BTBD2: variants seen among roughly 807,000 people sequenced by gnomAD.
The protein encoded by BTBD2 is BTB/POZ domain-containing protein 2.
BTBD2 carries 15 observed loss-of-function variants against 44.0 expected under a neutral mutation model. The ratio of observed to expected loss-of-function variants is 0.34; its 90% CI spans 0.23 to 0.53. The LOEUF (loss-of-function observed/expected upper bound fraction) is 0.53, where lower values mean the gene tolerates loss of function less well. BTBD2 is among the 20% of genes least tolerant of loss of function. The pLI is 0.95. For synonymous variants in BTBD2, 443 were observed against 335.9 expected (o/e 1.32, Z -3.49); for missense variants, 657 against 746.4 (o/e 0.88, Z 1.39).
In BTBD2 at chr19:1,993,042, T is replaced by C. The variant is rs2016202533; in HGVS notation, c.662A>G (p.Asn221Ser). 6.8e-7 allele frequency: 1 copy of C among 1,473,642 alleles called. No individual in the cohort carries two copies. Among genetic ancestry groups the C allele is most frequent in the African/African-American group, 1.4e-5 (1 of 70,006 alleles). 91.3% of individuals were successfully genotyped at this position (1,473,642 alleles called of 1,614,324 possible). A position where few individuals can be genotyped will look rare whatever the true frequency, so the allele number is the denominator to read the frequency against. Reference sequence around the variant, plus strand: ...CACCTGCGTGAGCAGCATGAAGGCGTTGTCGGCTCGCAGGTTCTTCTTCAG... The same window carrying C: ...CACCTGCGTGAGCAGCATGAAGGCGCTGTCGGCTCGCAGGTTCTTCTTCAG... ...EFLKKNLRAD[N>S]AFMLLTQARL... The change falls in exon 3 of 9, where the codon AAC becomes AGC. Residue 221 changes from asparagine to serine, a missense_variant. Around this residue, in one of 3 missense-constraint regions of BTBD2, gnomAD observed 449 missense variants for 510.9 expected, o/e 0.88. Transcript: ENST00000255608.
At position 1,986,607 on chromosome 19, in the gene BTBD2, T is replaced by C. The variant is rs760274896; in HGVS notation, c.1459A>G (p.Thr487Ala). Reference protein sequence around the residue: ...HYGTKGLRKVTHESPTTGAKT... With the variant: ...HYGTKGLRKVAHESPTTGAKT... ...GCGCCCGTGGTGGGCGACTCGTGTGTCACCTTGCGCAGGCCTTTGGTGCCG... is the reference window on the plus strand; with the variant it reads ...GCGCCCGTGGTGGGCGACTCGTGTGCCACCTTGCGCAGGCCTTTGGTGCCG... The change falls in exon 9 of 9, where the codon ACA becomes GCA. Residue 487 changes from threonine (T) to alanine (A), a missense_variant. By Grantham distance (58) the Thr-to-Ala change is moderately conservative. Coordinates refer to ENST00000255608, the MANE Select transcript of BTBD2 (RefSeq NM_017797.4). 6.2e-7 allele frequency: 1 copy of C among 1,613,934 alleles called. No individual in the cohort carries two copies. The highest frequency in any genetic ancestry group is 1.1e-5 in the South Asian group (1 of 91,088).
At chr19:1,990,583 C>G in intron 4 of BTBD2, 134 bp downstream of exon 4, 2 of 855,798 alleles carry the variant, frequency 2.3e-6, no homozygotes, top group East Asian at 5.3e-5. Context: ...ACCCAAACTC[C>G]TGACCTGCTG....
At chr19:1,993,255 A>AT in intron 2 of BTBD2, 79 bp from the exon 3 acceptor site, 2 of 1,487,886 alleles carry the variant, frequency 1.3e-6, no homozygotes, top group Non-Finnish European at 1.8e-6. Context: ...GACCACTCAG[A>AT]CCGTTAGACT....
rs763763772 is a variant in BTBD2, at chr19:1,986,561, C to G, written c.1505G>C (p.Cys502Ser). The change falls in exon 9 of 9, where the codon TGC (cysteine) becomes TCC (serine). Residue 502 changes from cysteine (C) to serine (S), a missense_variant. Physicochemically the swap from Cys to Ser is moderately radical, Grantham distance 112. Coordinates refer to ENST00000255608, the MANE Select transcript of BTBD2 (RefSeq NM_017797.4). ...GCCATTGTTGTTCCCGGCCGCGTAG[C>G]AAAAGGTGAAGCAGGTCTTGGCGCC... ...TTGAKTCFTF[C>S]YAAGNNNGTS... 1.2e-5 allele frequency: 20 copies of G among 1,614,080 alleles called. No homozygotes were observed. In the South Asian group the frequency reaches 2.2e-4, roughly 18 times the overall value.
rs996789255 is a variant in BTBD2, at chr19:1,986,006, C to G, written c.*482G>C. On this transcript the variant is annotated 3_prime_UTR_variant, in exon 9 of 9. Transcript: ENST00000255608. ...GCACGTGACAGGTGGGGCCCGTGTC[C>G]TGATAAACGGACAGGAACAAAAGGA... 11 of 157,478 alleles carry G rather than the reference C, an allele frequency of 7.0e-5. No homozygotes were observed. The highest frequency in any genetic ancestry group is 1.4e-4 in the Non-Finnish European group (10 of 71,388). 9.8% of individuals were successfully genotyped at this position (157,478 alleles called of 1,614,324 possible).
intron 5 of BTBD2, among the ~76,000 whole-genome samples, chr19:1,989,229 A>G (rs1488695722): frequency 1.3e-5 from 2 of 152,284 alleles, no homozygotes; most frequent in East Asian, 1.9e-4. Flanking sequence ...TGTCCCCACA[A>G]AAAAATACAA....
intron 1 of BTBD2, among the ~76,000 whole-genome samples, chr19:2,001,319 A>G (rs959256997): frequency 6.6e-6 from 1 of 151,158 alleles, no homozygotes; most frequent in African/African-American, 2.4e-5. Flanking sequence ...ACACGGTGAA[A>G]CCCCGTCTCT....
chr19:1,987,444 T>G, intron 6 of BTBD2, 56 bp downstream of exon 6: 2 of 803,580 alleles, frequency 2.5e-6, no homozygotes, highest in Non-Finnish European at 3.6e-6. Context: ...ATCTCCGTCA[T>G]CCCCGAGTCC....
intron 1 of BTBD2, chr19:2,013,680 A>T: frequency 1.0e-6 from 1 of 982,784 alleles, no homozygotes; most frequent in South Asian, 4.7e-5. Flanking sequence ...TGTGGATGGT[A>T]GTCTATGATC....
At chr19:2,013,494 G>A (rs931374955) in intron 1 of BTBD2, 4 of 985,754 alleles carry the variant, frequency 4.1e-6, no homozygotes, top group East Asian at 1.1e-4. Context: ...TGGCCTGGTG[G>A]CAGGGGATCA....
At chr19:1,990,951 C>T (rs1280223626) in intron 3 of BTBD2, 129 bp from the exon 4 acceptor site, 9 of 808,968 alleles carry the variant, frequency 1.1e-5, no homozygotes, top group East Asian at 1.1e-4. Context: ...CCAGGAGCCA[C>T]CAGGGTCTCA....
intron 2 of BTBD2, among the ~76,000 whole-genome samples, chr19:1,994,859 T>C (rs2016229821): frequency 6.6e-6 from 1 of 152,250 alleles, no homozygotes; most frequent in Non-Finnish European, 1.5e-5. Flanking sequence ...TTTTTAACAT[T>C]TTCCCTAAGT....
In BTBD2 at chr19:2,015,341, G is replaced by A. The variant is rs1408401364; in HGVS notation, c.363C>T (p.Phe121=). The A allele has an allele frequency of 1.3e-6, 2 of 1,583,660 alleles. No homozygotes were observed. Among genetic ancestry groups the A allele is most frequent in the Non-Finnish European group, 1.7e-6 (2 of 1,172,360 alleles). Residue 121 remains phenylalanine, a synonymous_variant, in exon 1 of 9, where the codon TTC becomes TTT. Coordinates refer to ENST00000255608, the MANE Select transcript of BTBD2 (RefSeq NM_017797.4). ...GCGAGCTGAGCCCCTTGCCCACCAG[G>A]AAGTGCACGTCGCACAGCACCTCGT... is the stretch of plus-strand genomic sequence containing the variant. The part of the protein sequence containing the change: ...FNNEVLCDVH[F]LVGKGLSSQR...
At position 2,009,758 on chromosome 19, in the gene BTBD2, G is replaced by C. The variant is rs535486380; in HGVS notation, c.407+5539C>G. 2.4e-4 allele frequency among the ~76,000 whole-genome samples: 37 copies of C among 152,264 alleles called. 1 individual carries two copies. The South Asian group carries it at 7.7e-3, about 31-fold the overall frequency. Reference sequence around the variant, plus strand: ...CCAGCTACTCAGAAGGCTGAGACAGGAGAATTGCTTGAGCCAGGGAGCTGA... The same window carrying C: ...CCAGCTACTCAGAAGGCTGAGACAGCAGAATTGCTTGAGCCAGGGAGCTGA... On this transcript the variant is annotated intron_variant, in intron 1 of 8. Coordinates refer to ENST00000255608, the MANE Select transcript of BTBD2 (RefSeq NM_017797.4).
chr19:1,989,897 C>T, intron 5 of BTBD2, 107 bp downstream of exon 5: 1 of 1,293,452 alleles, frequency 7.7e-7, no homozygotes. Context: ...TGCCAGGCAT[C>T]TGCCAGGCTT....
chr19:1,987,686 G>A lies in BTBD2; in HGVS notation c.995C>T (p.Ala332Val), dbSNP rs2016111472. ...GCGGTCCACCAGGATGCCCGACTGTGCGGGACCTGCAGCACAGGGAGGGTG... is the reference window on the plus strand; with the variant it reads ...GCGGTCCACCAGGATGCCCGACTGTACGGGACCTGCAGCACAGGGAGGGTG... The part of the protein sequence containing the change: ...MTIEEFAAGP[A>V]QSGILVDREV... The change falls in exon 6 of 9, where the codon GCA becomes GTA. Residue 332 changes from alanine to valine, a missense_variant. This residue lies in a region of BTBD2 where 449 missense variants were observed against 510.9 expected (regional missense o/e 0.88). Transcript: ENST00000255608. 3.8e-6 allele frequency: 6 copies of A among 1,596,314 alleles called. No homozygotes were observed. The South Asian group carries it at 5.6e-5, about 15-fold the overall frequency.
intron 1 of BTBD2, among the ~76,000 whole-genome samples, chr19:1,998,451 G>A (rs2016280749): frequency 6.6e-6 from 1 of 152,224 alleles, no homozygotes; most frequent in Non-Finnish European, 1.5e-5. Context: ...GGAGGCAGCA[G>A]GGGTGGCCCC....
At position 2,008,303 on chromosome 19, in the gene BTBD2, CTT is replaced by C. The variant is rs36003432; in HGVS notation, c.407+6992_407+6993del. 3.3e-3 allele frequency among the ~76,000 whole-genome samples: 467 copies of C among 141,038 alleles called. 1 individual carries two copies. Among genetic ancestry groups the C allele is most frequent in the African/African-American group, 0.011 (416 of 38,004 alleles). 92.5% of individuals were successfully genotyped at this position (141,038 alleles called of 152,430 possible). A position where few individuals can be genotyped will look rare whatever the true frequency, so the allele number is the denominator to read the frequency against. On this transcript the variant is annotated intron_variant, in intron 1 of 8. Transcript: ENST00000255608. ...ACAGGGGTGAGCCACTGCGCCCACT[CTT>C]TTTTTTTTTTTCTAGGTGGAGTCTC...
In BTBD2 at chr19:2,007,018, C is replaced by T. The variant is rs542350659; in HGVS notation, c.407+8279G>A. Among the ~76,000 whole-genome samples the T allele has an allele frequency of 1.4e-4, 21 of 152,270 alleles. No homozygotes were observed. The South Asian group carries it at 2.9e-3, about 21-fold the overall frequency. On this transcript the variant is annotated intron_variant, in intron 1 of 8. Coordinates refer to ENST00000255608, the MANE Select transcript of BTBD2 (RefSeq NM_017797.4). ...GATTACAGGCGCTCGCCACCACGCC[C>T]GGCTAATTTTTGTATATTTAGTAGA...
Sources: gnomAD v4.1 joint callset for allele counts (sites outside exome capture counted in the v4.1 genomes callset) on GRCh38, gnomAD v4.1.1 for gene constraint, gnomAD v4.1.1 regional missense constraint, MANE v1.5 for transcripts, NCBI Gene and HGNC (gene_info 2026-07-23, HGNC 2026-07-21) for gene names.